The following NTM variants were observed in gnomAD, a reference collection of about 807,000 sequenced individuals.
NTM encodes the protein neurotrimin.
Under a neutral mutation model 42.1 loss-of-function variants are expected in NTM, and 13 were observed. The observed-to-expected ratio is 0.31, with a 90% CI of 0.20 to 0.49. The LOEUF is 0.49. Among genes scored for constraint, NTM ranks in the 20% least tolerant of loss-of-function variants. The probability of loss-of-function intolerance (pLI) is 0.99; values close to 1 mark genes in which losing one functional copy is unlikely to be tolerated. For missense variants in NTM, 373 were observed against 452.8 expected (o/e 0.82, Z 1.60); for synonymous variants, 187 against 179.2 (o/e 1.04, Z -0.35).
At chr11:131,771,105 G>T (rs753268277) in intron 1 of NTM, 2 of 151,934 alleles carry the variant, frequency 1.3e-5, no homozygotes, top group Non-Finnish European at 2.9e-5. Context: ...CACCACAACC[G>T]TAAAACTTAT....
intron 3 of NTM, among the ~76,000 whole-genome samples, chr11:132,201,604 A>C (rs2081164864): frequency 6.6e-6 from 1 of 152,206 alleles, no homozygotes; most frequent in African/African-American, 2.4e-5. Flanking sequence ...TGAGGAGAGG[A>C]TGGATGTGAA....
At position 131,376,197 on chromosome 11, in the gene NTM, G is replaced by C. The variant is rs546326164; in HGVS notation, c.82+5309G>C. Among the ~76,000 whole-genome samples, 3 of 152,284 alleles carry C rather than the reference G, an allele frequency of 2.0e-5. No individual in the cohort carries two copies. The East Asian group carries it at 5.8e-4, about 29-fold the overall frequency. ...GGCCAACGGACCATGGGCGAGTTCA[G>C]CCCTCCCCAAAAGGTTCTCTGGGAT... On this transcript the variant is annotated intron_variant, in intron 1 of 8. Coordinates refer to ENST00000683400, the MANE Select transcript of NTM (RefSeq NM_001352005.2).
At chr11:131,638,463 G>A (rs932660987) in intron 1 of NTM, among the ~76,000 whole-genome samples, 1 of 151,568 alleles carries the variant, frequency 6.6e-6, no homozygotes, top group Admixed American at 6.6e-5. Context: ...CTACTGGGGA[G>A]GTTGAGGCAG....
chr11:131,794,766 A>C (rs1365687121), intron 1 of NTM: 1 of 985,062 alleles, frequency 1.0e-6, no homozygotes, highest in East Asian at 1.1e-4. Context: ...TGAGCTCCAC[A>C]CACCATGTGA....
At chr11:131,440,121 T>A (rs1371651573) in intron 1 of NTM, among the ~76,000 whole-genome samples, 2 of 152,070 alleles carry the variant, frequency 1.3e-5, no homozygotes, top group Non-Finnish European at 2.9e-5. Flanking sequence ...TTTTCTATAT[T>A]TTTTGTTCTG....
chr11:132,161,885 TA>T (rs1022206849), intron 3 of NTM, among the ~76,000 whole-genome samples: 1 of 152,194 alleles, frequency 6.6e-6, no homozygotes, highest in Non-Finnish European at 1.5e-5. Flanking sequence ...TGCACCTTTT[TA>T]ATTATTTATT....
chr11:131,418,385 A>T (rs983620781), intron 1 of NTM, among the ~76,000 whole-genome samples: 40 of 152,340 alleles, frequency 2.6e-4, no homozygotes, highest in African/African-American at 9.4e-4. Flanking sequence ...GCTAGAAGCT[A>T]TGGTGCAGAT....
intron 1 of NTM, among the ~76,000 whole-genome samples, chr11:131,684,760 C>G (rs1175730239): frequency 6.6e-6 from 1 of 152,190 alleles, no homozygotes; most frequent in African/African-American, 2.4e-5. Context: ...CAGTGCATAC[C>G]CTGGCCCTGG....
chr11:131,406,269 T>A (rs1426722937), intron 1 of NTM, among the ~76,000 whole-genome samples: 2 of 152,210 alleles, frequency 1.3e-5, no homozygotes, highest in Admixed American at 1.3e-4. Context: ...TGTAAGAGCA[T>A]CATCCCTCCA....
chr11:131,967,467 A>G (rs1300780598), intron 2 of NTM, among the ~76,000 whole-genome samples: 1 of 152,128 alleles, frequency 6.6e-6, no homozygotes, highest in Non-Finnish European at 1.5e-5. Context: ...GGTCATGTGT[A>G]GGTTGGCCCT....
intron 1 of NTM, among the ~76,000 whole-genome samples, chr11:131,672,475 G>A (rs555534772): frequency 2.0e-5 from 3 of 152,292 alleles, no homozygotes; most frequent in African/African-American, 4.8e-5. Flanking sequence ...CAGACACCCC[G>A]ACAGCTGGAG....
At chr11:131,774,063 TG>T in intron 1 of NTM, 1 of 984,590 alleles carries the variant, frequency 1.0e-6, no homozygotes, top group Non-Finnish European at 1.2e-6. Flanking sequence ...CTTCCTCTGT[TG>T]TTCCAATGTT....
Position 132,002,499 on chromosome 11 carries a change from A to G in NTM, c.167+90851A>G, listed in dbSNP as rs1416010916. 2.0e-5 allele frequency among the ~76,000 whole-genome samples: 3 copies of G among 152,210 alleles called. No homozygotes were observed. The highest frequency in any genetic ancestry group is 4.4e-5 in the Non-Finnish European group (3 of 68,044). On this transcript the variant is annotated intron_variant, in intron 2 of 8. Transcript: ENST00000683400. The surrounding 1 kb of genome is among the most constrained non-coding windows in gnomAD (Gnocchi z 4.5). ...ACGTCTCAATTCATCATAAGCAAAT[A>G]CAATTACTACTCTGCAAATACTATG...
At chr11:132,041,216 A>T (rs1347583677) in intron 2 of NTM, among the ~76,000 whole-genome samples, 15 of 124,932 alleles carry the variant, frequency 1.2e-4, no homozygotes, top group Admixed American at 6.1e-4. Context: ...TGTGTGAGAG[A>T]GAGAGAGAGA....
At chr11:132,089,588 A>G (rs9783364) in intron 2 of NTM, among the ~76,000 whole-genome samples, 20,043 of 152,194 alleles carry the variant, frequency 0.13, 1,518 homozygotes, top group African/African-American at 0.21. Context: ...TTTCATAACA[A>G]ATTGATGTGA....
intron 2 of NTM, among the ~76,000 whole-genome samples, chr11:132,051,571 C>T (rs1357857711): frequency 6.6e-6 from 1 of 152,152 alleles, no homozygotes; most frequent in African/African-American, 2.4e-5. Flanking sequence ...CCTGTGTCTC[C>T]AGTCCCCCAG....
chr11:131,602,768 C>T (rs879625093), intron 1 of NTM, among the ~76,000 whole-genome samples: 3 of 152,238 alleles, frequency 2.0e-5, no homozygotes, highest in South Asian at 2.1e-4. Flanking sequence ...TTATGTGATG[C>T]TATATATCTG....
At chr11:131,753,311 AC>A (rs1362143430) in intron 1 of NTM, among the ~76,000 whole-genome samples, 1 of 151,918 alleles carries the variant, frequency 6.6e-6, no homozygotes, top group Non-Finnish European at 1.5e-5. Flanking sequence ...AACTAGTTCA[AC>A]CATTGTGGAA....
At chr11:132,031,921 C>CA (rs2075974701) in intron 2 of NTM, among the ~76,000 whole-genome samples, 1 of 151,994 alleles carries the variant, frequency 6.6e-6, no homozygotes. Flanking sequence ...AAGGCCCTCC[C>CA]ACTCATTAAT....
Sources: allele counts gnomAD v4.1 joint callset (sites outside exome capture counted in the v4.1 genomes callset), GRCh38; gene constraint gnomAD v4.1.1; non-coding constraint Gnocchi (gnomAD v3.1); transcripts MANE v1.5; gene names NCBI Gene and HGNC (gene_info 2026-07-23, HGNC 2026-07-21).